Variants in LARGE1 observed in about 807,000 individuals in gnomAD.
LARGE1 encodes the protein LARGE xylosyl- and glucuronyltransferase 1, also known as xylosyl- and glucuronyltransferase LARGE1.
LARGE1 carries 43 observed loss-of-function variants against 87.6 expected under a neutral mutation model. The observed-to-expected ratio is 0.49, with a 90% CI of 0.38 to 0.63. LARGE1 has a LOEUF of 0.63. Among genes scored for constraint, LARGE1 ranks in the 30% least tolerant of loss-of-function variants. The pLI is 0.00. For synonymous variants in LARGE1, 434 were observed against 394.6 expected (o/e 1.10, Z -1.18); for missense variants, 802 against 1,000.2 (o/e 0.80, Z 2.67).
chr22:33,851,055 G>A (rs1224822149), intron 1 of LARGE1, among the ~76,000 whole-genome samples: 6 of 152,182 alleles, frequency 3.9e-5, no homozygotes, highest in Non-Finnish European at 8.8e-5. Flanking sequence ...CCTTGAAACT[G>A]CATGTTTTTT....
intron 9 of LARGE1, among the ~76,000 whole-genome samples, chr22:33,376,382 G>A (rs1008867635): frequency 6.6e-6 from 1 of 152,114 alleles, no homozygotes; most frequent in Non-Finnish European, 1.5e-5. Context: ...ACCACAAATG[G>A]GAATTTCTCT....
intron 2 of LARGE1, among the ~76,000 whole-genome samples, chr22:33,681,097 AAC>A (rs1363526657): frequency 7.0e-4 from 107 of 152,292 alleles, no homozygotes; most frequent in African/African-American, 2.4e-3. Flanking sequence ...TGCCAGTTCC[AAC>A]ACACTTTATT....
chr22:33,202,353 C>T (rs376443870), intron 11 of LARGE1, among the ~76,000 whole-genome samples: 2 of 152,216 alleles, frequency 1.3e-5, no homozygotes, highest in Admixed American at 1.3e-4. Flanking sequence ...CAGTGCTTCC[C>T]GGGGTGGACA....
At chr22:33,296,646 G>A (rs1028703862) in intron 12 of LARGE1, among the ~76,000 whole-genome samples, 1 of 145,920 alleles carries the variant, frequency 6.9e-6, no homozygotes, top group South Asian at 2.1e-4. Context: ...TCATCTCACC[G>A]CAATGTCTGC....
the LARGE1 span, among the ~76,000 whole-genome samples, chr22:33,121,998 C>A: frequency 6.6e-6 from 1 of 152,098 alleles, no homozygotes; most frequent in East Asian, 1.9e-4. Flanking sequence ...TCCCATGACA[C>A]GTGGGAATTA....
At chr22:33,720,985 G>A (rs377636539) in intron 2 of LARGE1, among the ~76,000 whole-genome samples, 20 of 152,286 alleles carry the variant, frequency 1.3e-4, no homozygotes, top group South Asian at 1.2e-3. Flanking sequence ...TAGTGCTTAC[G>A]GGATTCCTGG....
chr22:33,422,738 T>C (rs1191310126), intron 7 of LARGE1, among the ~76,000 whole-genome samples: 1 of 152,082 alleles, frequency 6.6e-6, no homozygotes, highest in Non-Finnish European at 1.5e-5. Flanking sequence ...CTCGAACTCC[T>C]GACCTCATGA....
At chr22:33,659,824 T>C (rs926650278) in intron 2 of LARGE1, among the ~76,000 whole-genome samples, 1 of 150,966 alleles carries the variant, frequency 6.6e-6, no homozygotes, top group African/African-American at 2.4e-5. Flanking sequence ...GAAAGAGGCC[T>C]GGATTCACTG....
chr22:33,169,951 C>T (rs1475578684), intron 11 of LARGE1, among the ~76,000 whole-genome samples: 4 of 152,170 alleles, frequency 2.6e-5, no homozygotes, highest in Admixed American at 6.5e-5. Context: ...ATTCAAGTTA[C>T]TGCTAAGGAA....
intron 1 of LARGE1, among the ~76,000 whole-genome samples, chr22:33,904,282 A>C (rs2065370090): frequency 6.6e-6 from 1 of 152,062 alleles, no homozygotes; most frequent in Admixed American, 6.5e-5. Context: ...CAGCCTCCTG[A>C]GTAGCTGGGA....
intron 2 of LARGE1, among the ~76,000 whole-genome samples, chr22:33,719,646 G>A (rs1210095587): frequency 4.6e-5 from 7 of 151,816 alleles, no homozygotes; most frequent in Non-Finnish European, 1.0e-4. Flanking sequence ...TCAGCCTCCT[G>A]AGTAGCTGGG....
At chr22:33,073,743 T>G in the LARGE1 span, among the ~76,000 whole-genome samples, 4 of 152,196 alleles carry the variant, frequency 2.6e-5, no homozygotes, top group Non-Finnish European at 2.9e-5. Flanking sequence ...CATCACTGAT[T>G]GCTAACCAAG....
chr22:33,080,077 T>C, the LARGE1 span, among the ~76,000 whole-genome samples: 4 of 152,130 alleles, frequency 2.6e-5, no homozygotes, highest in Non-Finnish European at 5.9e-5. Context: ...AAATGTTCCT[T>C]TGTAGATTTA....
chr22:33,739,594 G>C (rs1322143800), intron 2 of LARGE1, among the ~76,000 whole-genome samples: 1 of 152,172 alleles, frequency 6.6e-6, no homozygotes, highest in Admixed American at 6.5e-5. Context: ...TGGGTGCAGG[G>C]AGGCTAAGGG....
At chr22:33,502,853 C>A (rs928815320) in intron 6 of LARGE1, among the ~76,000 whole-genome samples, 25 of 152,172 alleles carry the variant, frequency 1.6e-4, no homozygotes, top group African/African-American at 4.8e-4. Flanking sequence ...CGGTGCACAG[C>A]AGAAATTGAA....
At chr22:33,681,078 T>C (rs2081754783) in intron 2 of LARGE1, among the ~76,000 whole-genome samples, 1 of 152,240 alleles carries the variant, frequency 6.6e-6, no homozygotes, top group Non-Finnish European at 1.5e-5. Flanking sequence ...CAATTTAATG[T>C]ACTATACCTG....
chr22:33,872,529 C>A (rs1424875153), intron 1 of LARGE1, among the ~76,000 whole-genome samples: 3 of 152,072 alleles, frequency 2.0e-5, no homozygotes, highest in African/African-American at 7.2e-5. Flanking sequence ...GCCACCCCCC[C>A]AGCGACACAC....
chr22:33,348,289 C>CCAAA (rs1569081859), intron 9 of LARGE1, among the ~76,000 whole-genome samples: 22 of 124,050 alleles, frequency 1.8e-4, no homozygotes, highest in African/African-American at 3.4e-4. Context: ...CACCCCCCCC[C>CCAAA]AAAAAAAAAG....
the LARGE1 span, among the ~76,000 whole-genome samples, chr22:33,119,778 T>G: frequency 6.6e-6 from 1 of 152,218 alleles, no homozygotes; most frequent in East Asian, 1.9e-4. Flanking sequence ...TCAAGGGTAT[T>G]GTAGGGTGCC....
Sources: allele counts gnomAD v4.1 joint callset (sites outside exome capture counted in the v4.1 genomes callset), GRCh38; gene constraint gnomAD v4.1.1; transcripts MANE v1.5; gene names NCBI Gene and HGNC (gene_info 2026-07-23, HGNC 2026-07-21).